Variants in DOCK5 observed in about 807,000 individuals in gnomAD.
DOCK5 encodes the protein dedicator of cytokinesis protein 5.
A neutral mutation model predicts 251.8 loss-of-function variants in DOCK5; 142 were observed. The ratio of observed to expected loss-of-function variants is 0.56; its 90% confidence interval spans 0.49 to 0.65. DOCK5 has a LOEUF of 0.65. Ranked by LOEUF, DOCK5 falls within the 30% of genes least tolerant of loss-of-function variation. The pLI is 0.00. For synonymous variants in DOCK5, 842 were observed against 835.5 expected, an observed-to-expected ratio of 1.01 and a Z score of -0.13; for missense variants, 2,111 against 2,312.3, an observed-to-expected ratio of 0.91 and a Z score of 1.79.
At chr8:25,391,592 C>T (rs1046110651) in intron 42 of DOCK5, among the ~76,000 whole-genome samples, 8 of 151,938 alleles carry the variant, frequency 5.3e-5, no homozygotes, top group East Asian at 1.9e-4. Flanking sequence ...GAGCCAAGAT[C>T]GTGTCACTGC....
intron 1 of DOCK5, among the ~76,000 whole-genome samples, chr8:25,219,820 T>C (rs1802336138): frequency 6.6e-6 from 1 of 152,082 alleles, no homozygotes; most frequent in African/African-American, 2.4e-5. Flanking sequence ...TGTGTTGGCA[T>C]GCCTTGGTAG....
chr8:25,270,846 T>A, intron 3 of DOCK5: 1 of 708,714 alleles, frequency 1.4e-6, no homozygotes. Flanking sequence ...AAGTCTCTGA[T>A]ATAAAATGGC....
At chr8:25,342,924 C>T (rs1313472619) in intron 25 of DOCK5, among the ~76,000 whole-genome samples, 7 of 151,524 alleles carry the variant, frequency 4.6e-5, no homozygotes, top group African/African-American at 1.5e-4. Context: ...CCAGGATGGT[C>T]TTGATCTCCT....
Position 25,359,139 on chromosome 8 carries a change from G to T in DOCK5, c.2949+78G>T, listed in dbSNP as rs564601771. ...AAAAAAATGACTGAAGCTGAGCATC[G>T]TGAGTCCAGGGTTCTCTTCCCACGC... On this transcript the variant is annotated intron_variant, in intron 28 of 51. Transcript: ENST00000276440. 3.9e-6 allele frequency: 5 copies of T among 1,286,192 alleles called. No individual in the cohort carries two copies. The Admixed American group carries it at 6.8e-5, about 17-fold the overall frequency. 79.7% of individuals were successfully genotyped at this position (1,286,192 alleles called of 1,614,324 possible). A position where few individuals can be genotyped will look rare whatever the true frequency, so the allele number is the denominator to read the frequency against.
intron 17 of DOCK5, among the ~76,000 whole-genome samples, chr8:25,324,492 A>G (rs2709604): frequency 0.7 from 106,604 of 152,138 alleles, 38,185 homozygotes; most frequent in Middle Eastern, 0.81. Context: ...GATCTCATTT[A>G]GCCAACAATA....
chr8:25,325,339 G>T (rs762992395), intron 17 of DOCK5, 25 bp from the exon 18 acceptor site: 7 of 1,603,076 alleles, frequency 4.4e-6, no homozygotes, highest in South Asian at 3.4e-5. Context: ...CCATCATTTG[G>T]TGTTCCTAAC....
At chr8:25,377,484 A>G in intron 38 of DOCK5, 60 bp downstream of exon 38, 3 of 1,554,926 alleles carry the variant, frequency 1.9e-6, no homozygotes, top group Non-Finnish European at 2.6e-6. Flanking sequence ...GTATCGCAAT[A>G]CAATTCTGAT....
At chr8:25,287,810 G>A (rs1008391018) in intron 5 of DOCK5, among the ~76,000 whole-genome samples, 10 of 151,986 alleles carry the variant, frequency 6.6e-5, no homozygotes, top group African/African-American at 2.4e-4. Flanking sequence ...GGCAGTATGG[G>A]ATTCAGGAAA....
intron 1 of DOCK5, among the ~76,000 whole-genome samples, chr8:25,201,721 C>A (rs531004726): frequency 1.3e-5 from 2 of 152,288 alleles, no homozygotes; most frequent in African/African-American, 4.8e-5. Flanking sequence ...ATATAAGGCT[C>A]TAAGTCAAGT....
At chr8:25,365,275 A>T (rs2117274324) in intron 30 of DOCK5, among the ~76,000 whole-genome samples, 1 of 152,372 alleles carries the variant, frequency 6.6e-6, no homozygotes, top group South Asian at 2.1e-4. Context: ...TGGTGAAGGC[A>T]GATAAGTTCC....
chr8:25,254,189 G>A (rs145912956), intron 2 of DOCK5, among the ~76,000 whole-genome samples: 6 of 152,204 alleles, frequency 3.9e-5, no homozygotes, highest in East Asian at 1.9e-4. Flanking sequence ...ACCACATGCC[G>A]AAATAATAAT....
chr8:25,340,849 C>T (rs779683477), intron 22 of DOCK5, 28 bp from the exon 23 acceptor site: 2 of 1,586,188 alleles, frequency 1.3e-6, no homozygotes, highest in African/African-American at 2.7e-5. Flanking sequence ...ATGGAAAGTC[C>T]AACTGCTTTT....
intron 7 of DOCK5, among the ~76,000 whole-genome samples, chr8:25,296,950 CTG>C (rs1804632138): frequency 6.6e-6 from 1 of 151,938 alleles, no homozygotes; most frequent in Non-Finnish European, 1.5e-5. Context: ...TAGACTAACT[CTG>C]AAATAATAGA....
intron 1 of DOCK5, among the ~76,000 whole-genome samples, chr8:25,224,015 G>C (rs1020433293): frequency 6.6e-6 from 1 of 152,170 alleles, no homozygotes; most frequent in Non-Finnish European, 1.5e-5. Flanking sequence ...ATTGCACTCA[G>C]TTAATATTTG....
chr8:25,225,974 A>G (rs1185681154), intron 1 of DOCK5, among the ~76,000 whole-genome samples: 3 of 152,160 alleles, frequency 2.0e-5, no homozygotes, highest in Non-Finnish European at 1.5e-5. Context: ...TGGTTGCACT[A>G]CAGTGTGAAT....
At chr8:25,349,902 C>G (rs985373844) in intron 26 of DOCK5, among the ~76,000 whole-genome samples, 1 of 152,082 alleles carries the variant, frequency 6.6e-6, no homozygotes, top group Non-Finnish European at 1.5e-5. Flanking sequence ...CTCGTACCCC[C>G]AAAACTATTG....
rs563670874 is a variant in DOCK5, at chr8:25,326,330, C to T, written c.1903+783C>T. ...GCAAGAGCTCTGCCTTAAGGGGTGC[C>T]AAGATAGACAAAAAAGTGTAGTTAT... is the stretch of plus-strand genomic sequence containing the variant. On this transcript the variant is annotated intron_variant, in intron 18 of 51. Transcript: ENST00000276440. Among the ~76,000 whole-genome samples, 42 of 152,076 alleles carry T rather than the reference C, an allele frequency of 2.8e-4. 1 individual carries two copies. The highest frequency in any genetic ancestry group is 9.6e-4 in the African/African-American group (40 of 41,474).
intron 45 of DOCK5, among the ~76,000 whole-genome samples, chr8:25,397,744 A>G (rs1801370816): frequency 6.6e-6 from 1 of 152,018 alleles, no homozygotes; most frequent in South Asian, 2.1e-4. Context: ...TATATATGCC[A>G]ATATCTGTGA....
At chr8:25,288,834 T>C (rs1314069326) in intron 5 of DOCK5, among the ~76,000 whole-genome samples, 1 of 152,236 alleles carries the variant, frequency 6.6e-6, no homozygotes, top group Non-Finnish European at 1.5e-5. Context: ...TTATTAAAAA[T>C]AGTATCTTAA....
Sources: allele counts gnomAD v4.1 joint callset (sites outside exome capture counted in the v4.1 genomes callset), GRCh38; gene constraint gnomAD v4.1.1; transcripts MANE v1.5; gene names NCBI Gene and HGNC (gene_info 2026-07-23, HGNC 2026-07-21).